ERCC6: variants seen among roughly 807,000 people sequenced by gnomAD.
ERCC6 encodes ERCC excision repair 6, chromatin remodeling factor, also known as DNA excision repair protein ERCC-6.
In ERCC6, 116 loss-of-function variants were observed where a neutral mutation model predicts 158.7. That is an observed-to-expected ratio of 0.73 (90% CI 0.63 to 0.85). The LOEUF is 0.85. Among genes scored for constraint, ERCC6 ranks in the 40% least tolerant of loss-of-function variants. The probability of loss-of-function intolerance (pLI) is 0.00; values close to 1 mark genes in which losing one functional copy is unlikely to be tolerated. For missense variants in ERCC6, 1,698 were observed against 1,799.4 expected (o/e 0.94, Z 1.02); for synonymous variants, 678 against 659.3 (o/e 1.03, Z -0.43).
intron 5 of ERCC6, chr10:49,515,058 T>C (rs1836905224): frequency 2.0e-5 from 10 of 498,078 alleles, no homozygotes; most frequent in Non-Finnish European, 2.7e-5. Context: ...TCTTCATTTG[T>C]GTCTCAGCTT....
At chr10:49,482,388 G>A (rs1850995071) in intron 10 of ERCC6, among the ~76,000 whole-genome samples, 1 of 152,108 alleles carries the variant, frequency 6.6e-6, no homozygotes, top group African/African-American at 2.4e-5. Context: ...CTGACCACAT[G>A]TGACATCTTT....
chr10:49,467,032 C>T (rs972078873), intron 18 of ERCC6, among the ~76,000 whole-genome samples: 3 of 152,156 alleles, frequency 2.0e-5, no homozygotes, highest in African/African-American at 4.8e-5. Context: ...TCACCCACCT[C>T]GGCCTCCCAA....
chr10:49,465,589 C>T (rs1339408479), intron 18 of ERCC6, among the ~76,000 whole-genome samples: 5 of 152,154 alleles, frequency 3.3e-5, no homozygotes, highest in African/African-American at 1.2e-4. Flanking sequence ...GTAACTCCCA[C>T]AATTCCCACA....
At chr10:49,440,704 C>T in the ERCC6 span, among the ~76,000 whole-genome samples, 1 of 152,108 alleles carries the variant, frequency 6.6e-6, no homozygotes, top group African/African-American at 2.4e-5. Flanking sequence ...ATGCACAAGT[C>T]TAAAAGGGAG....
At chr10:49,484,920 A>G (rs1304593127) in intron 8 of ERCC6, among the ~76,000 whole-genome samples, 1 of 152,228 alleles carries the variant, frequency 6.6e-6, no homozygotes, top group African/African-American at 2.4e-5. Context: ...AAGAAGGAAA[A>G]GTGGTGACCA....
In ERCC6 at chr10:49,470,174, T is replaced by C. The variant is rs2132536628; in HGVS notation, c.3778+8A>G. 1 of 1,613,702 alleles carries C rather than the reference T, an allele frequency of 6.2e-7. No individual in the cohort carries two copies. The stretch of plus-strand genomic sequence containing the variant: ...GCATCCCTGTGGCAAACGTATCAAA[T>C]GGATTACCTGATTTTTTGAAAAGCT... On this transcript the variant is annotated splice_region_variant and intron_variant, in intron 18 of 20. Coordinates refer to ENST00000355832, the MANE Select transcript of ERCC6 (RefSeq NM_000124.4).
chr10:49,462,854 T>A (rs1850607937), intron 18 of ERCC6, among the ~76,000 whole-genome samples: 1 of 152,230 alleles, frequency 6.6e-6, no homozygotes, highest in East Asian at 1.9e-4. Flanking sequence ...CAACTGCTCG[T>A]GACAATTCAA....
chr10:49,518,712 G>C (rs888379200), intron 5 of ERCC6, among the ~76,000 whole-genome samples: 1 of 152,090 alleles, frequency 6.6e-6, no homozygotes, highest in African/African-American at 2.4e-5. Flanking sequence ...CAGAACAGTG[G>C]ATGTGCACAA....
At chr10:49,453,503 T>C (rs1460940126), downstream of ERCC6, among the ~76,000 whole-genome samples, 1 of 152,210 alleles carries the variant, frequency 6.6e-6, no homozygotes, top group Non-Finnish European at 1.5e-5. Flanking sequence ...CTGTATGTTA[T>C]AGACCAATAC....
intron 5 of ERCC6, chr10:49,515,759 C>A: frequency 6.2e-7 from 1 of 1,614,112 alleles, no homozygotes; most frequent in South Asian, 1.1e-5. Context: ...ACACTTTGAT[C>A]ATGTTTGGCT....
chr10:49,472,972 G>A lies in ERCC6; in HGVS notation c.2766C>T (p.Asn922=). 3 of 1,614,128 alleles carry A rather than the reference G, an allele frequency of 1.9e-6. No individual in the cohort carries two copies. Among genetic ancestry groups the A allele is most frequent in the Non-Finnish European group, 2.5e-6 (3 of 1,180,014 alleles). Residue 922 remains asparagine (N), a synonymous_variant, in exon 15 of 21, where the codon AAC becomes AAT. Transcript: ENST00000355832. ...TGACAACTCTGTTTGCCCCCGTCAG[G>A]TTGACACCTAAGCCGCCCACCCGCG... ...LTTRVGGLGV[N]LTGANRVVIY... is the part of the protein sequence containing the mutation.
intron 18 of ERCC6, among the ~76,000 whole-genome samples, chr10:49,463,531 T>G (rs970030166): frequency 6.6e-6 from 1 of 152,220 alleles, no homozygotes. Context: ...TACAACCTTT[T>G]GTGTAAGAGA....
Position 49,530,741 on chromosome 10 carries a change from T to C in ERCC6, c.522A>G (p.Val174=). ...TCACCTTATTATACTTCTGTCGTTT[T>C]ACAGAATCTAGTTTCCTGTTGATGT... The part of the protein sequence containing the change: ...SRDINRKLDS[V]KRQKYNKEQQ... The change falls in exon 3 of 21, where the codon GTA becomes GTG. Residue 174 remains valine (V), a synonymous_variant. Coordinates refer to ENST00000355832, the MANE Select transcript of ERCC6 (RefSeq NM_000124.4). 1 of 1,613,760 alleles carries C rather than the reference T, an allele frequency of 6.2e-7. No individual in the cohort carries two copies. Among genetic ancestry groups the C allele is most frequent in the Non-Finnish European group, 8.5e-7 (1 of 1,179,866 alleles).
intron 11 of ERCC6, among the ~76,000 whole-genome samples, chr10:49,476,522 G>A (rs1244565524): frequency 6.6e-6 from 1 of 151,948 alleles, no homozygotes; most frequent in African/African-American, 2.4e-5. Flanking sequence ...TCTACCTCCA[G>A]GGCCCATCCC....
At chr10:49,488,749 T>C (rs560447866) in intron 8 of ERCC6, among the ~76,000 whole-genome samples, 31 of 152,086 alleles carry the variant, frequency 2.0e-4, no homozygotes, top group African/African-American at 6.7e-4. Context: ...AACATGTTGA[T>C]GGGAGTTTCA....
Position 49,489,706 on chromosome 10 carries a change from A to G in ERCC6, c.1821+3411T>C, listed in dbSNP as rs185998785. Reference sequence around the variant, plus strand: ...AGAGAGACAACTGTTTCAGAACATAAGCAATTTATCATTATGTATCTTCCA... The same window carrying G: ...AGAGAGACAACTGTTTCAGAACATAGGCAATTTATCATTATGTATCTTCCA... On this transcript the variant is annotated intron_variant, in intron 8 of 20. Coordinates refer to ENST00000355832, the MANE Select transcript of ERCC6 (RefSeq NM_000124.4). 1.1e-3 allele frequency among the ~76,000 whole-genome samples: 164 copies of G among 152,342 alleles called. 1 individual carries two copies. Among genetic ancestry groups the G allele is most frequent in the Middle Eastern group, 3.4e-3 (1 of 294 alleles).
intron 12 of ERCC6, 28 bp downstream of exon 12, chr10:49,476,187 T>A (rs778844406): frequency 6.7e-7 from 1 of 1,490,306 alleles, no homozygotes; most frequent in Non-Finnish European, 9.4e-7. Context: ...CCACAATTCA[T>A]TTCTCCAGCT....
chr10:49,528,502 A>G lies in ERCC6; in HGVS notation c.567T>C (p.Thr189=), dbSNP rs1837393700. The G allele has an allele frequency of 1.2e-6, 2 of 1,614,094 alleles. No individual in the cohort carries two copies. The highest frequency in any genetic ancestry group is 1.3e-5 in the African/African-American group (1 of 74,948). The part of the protein sequence containing the change: ...YNKEQQLKKI[T]AKQKHLQAIL... Reference sequence around the variant, plus strand: ...TGGCCTGGAGATGCTTTTGTTTTGCAGTGATCTTTTTTAGCTGTTGTTCCT... The same window carrying G: ...TGGCCTGGAGATGCTTTTGTTTTGCGGTGATCTTTTTTAGCTGTTGTTCCT... The change falls in exon 4 of 21, where the codon ACT becomes ACC. Residue 189 remains threonine (T), a synonymous_variant. Transcript: ENST00000355832.
At chr10:49,521,857 C>G (rs779086787) in intron 5 of ERCC6, among the ~76,000 whole-genome samples, 54 of 152,300 alleles carry the variant, frequency 3.5e-4, no homozygotes, top group Middle Eastern at 6.8e-3. Flanking sequence ...AAGGGCTTGA[C>G]GGAAAATTCC....
Sources: allele counts gnomAD v4.1 joint callset (sites outside exome capture counted in the v4.1 genomes callset), GRCh38; gene constraint gnomAD v4.1.1; transcripts MANE v1.5; gene names NCBI Gene and HGNC (gene_info 2026-07-23, HGNC 2026-07-21).